ZPBP: variants seen among roughly 807,000 people sequenced by gnomAD.
ZPBP encodes zona pellucida-binding protein 1.
ZPBP carries 26 observed loss-of-function variants against 44.8 expected under a neutral mutation model. That is an observed-to-expected ratio of 0.58 (90% confidence interval 0.43 to 0.81). The LOEUF (loss-of-function observed/expected upper bound fraction) is 0.81, where lower values mean the gene tolerates loss of function less well. ZPBP is among the 30% of genes least tolerant of loss of function. The pLI, the probability that ZPBP is intolerant of heterozygous loss-of-function variation, is 0.00. For missense variants in ZPBP, 409 were observed against 434.0 expected, an observed-to-expected ratio of 0.94 and a Z score of 0.51; for synonymous variants, 174 against 153.2, an observed-to-expected ratio of 1.14 and a Z score of -1.00.
intron 2 of ZPBP, among the ~76,000 whole-genome samples, chr7:49,874,284 C>T (rs189371098): frequency 2.1e-4 from 32 of 152,358 alleles, no homozygotes; most frequent in African/African-American, 7.7e-4. Flanking sequence ...TGCATTTTTA[C>T]TCTACCTTTT....
chr7:50,039,005 T>C (rs1451182073), intron 4 of ZPBP, among the ~76,000 whole-genome samples: 1 of 152,094 alleles, frequency 6.6e-6, no homozygotes, highest in Admixed American at 6.5e-5. Context: ...AACACATAAC[T>C]AGATTATCTA....
At chr7:49,849,997 G>A (rs766734969), downstream of ZPBP, among the ~76,000 whole-genome samples, 9 of 152,142 alleles carry the variant, frequency 5.9e-5, no homozygotes, top group Non-Finnish European at 8.8e-5. Flanking sequence ...GGAAGACTGA[G>A]CACAGTGCCA....
downstream of ZPBP, among the ~76,000 whole-genome samples, chr7:49,846,715 A>G (rs1789956747): frequency 6.6e-6 from 1 of 152,188 alleles, no homozygotes; most frequent in Non-Finnish European, 1.5e-5. Flanking sequence ...AAGAGCAGAT[A>G]ATGCTTAACT....
chr7:50,071,458 G>A (rs1801829516), intron 3 of ZPBP, among the ~76,000 whole-genome samples: 1 of 152,158 alleles, frequency 6.6e-6, no homozygotes, highest in African/African-American at 2.4e-5. Context: ...CAAAACATAG[G>A]TGAGTCCTAG....
intron 2 of ZPBP, among the ~76,000 whole-genome samples, chr7:50,085,701 ATTAGAGGCCC>A (rs1802601398): frequency 6.6e-6 from 1 of 152,150 alleles, no homozygotes; most frequent in Non-Finnish European, 1.5e-5. Context: ...GTTAAAAACA[ATTAGAGGCCC>A]TCATTTAACT....
At chr7:50,048,958 A>G (rs1800539513) in intron 4 of ZPBP, among the ~76,000 whole-genome samples, 2 of 152,006 alleles carry the variant, frequency 1.3e-5, no homozygotes, top group Admixed American at 6.6e-5. Flanking sequence ...AACAAGAGAT[A>G]GAAGACTCAA....
intron 2 of ZPBP, among the ~76,000 whole-genome samples, chr7:49,864,593 T>G (rs777444293): frequency 1.3e-4 from 20 of 152,190 alleles, no homozygotes; most frequent in Non-Finnish European, 1.6e-4. Context: ...CAGGTTGTTG[T>G]CAGCCTTACG....
chr7:49,889,849 T>A lies in ZPBP; in HGVS notation n.509+11269A>T, dbSNP rs1360370184. On this transcript the variant is annotated intron_variant and non_coding_transcript_variant, in intron 2 of 2. Coordinates refer to the ZPBP transcript ENST00000465922. ...AATAGGTGCCCCAGTATGCCGTCATTCACGCTTGCAATTCTGAAATAGGGA... is the reference window on the plus strand; with the variant it reads ...AATAGGTGCCCCAGTATGCCGTCATACACGCTTGCAATTCTGAAATAGGGA... Among the ~76,000 whole-genome samples the A allele has an allele frequency of 2.0e-5, 3 of 152,178 alleles. No homozygotes were observed. The East Asian group carries it at 5.8e-4, about 29-fold the overall frequency.
chr7:50,079,661 A>C (rs1315547048), intron 3 of ZPBP, among the ~76,000 whole-genome samples: 1 of 151,666 alleles, frequency 6.6e-6, no homozygotes, highest in Non-Finnish European at 1.5e-5. Flanking sequence ...AGTTAACAAT[A>C]ATGTATTGTA....
At chr7:49,877,191 A>G (rs913359425) in intron 2 of ZPBP, among the ~76,000 whole-genome samples, 1 of 151,776 alleles carries the variant, frequency 6.6e-6, no homozygotes, top group Non-Finnish European at 1.5e-5. Context: ...GCCGGGCGTA[A>G]TGGCTCATGC....
intron 7 of ZPBP, among the ~76,000 whole-genome samples, chr7:49,961,978 C>T (rs1447512351): frequency 6.6e-6 from 1 of 151,952 alleles, no homozygotes; most frequent in Non-Finnish European, 1.5e-5. Context: ...GATTTCATTT[C>T]CAAAGAGCCA....
chr7:50,009,737 G>T (rs889264834), intron 6 of ZPBP, among the ~76,000 whole-genome samples: 4 of 151,688 alleles, frequency 2.6e-5, no homozygotes, highest in African/African-American at 9.7e-5. Flanking sequence ...CCCAAAGAAT[G>T]CAAAACAAAA....
At chr7:49,968,990 T>C (rs541902822) in intron 7 of ZPBP, among the ~76,000 whole-genome samples, 6 of 151,882 alleles carry the variant, frequency 4.0e-5, no homozygotes, top group Admixed American at 3.9e-4. Context: ...AGTTCAAGAA[T>C]AGGCAAATTA....
intron 5 of ZPBP, among the ~76,000 whole-genome samples, chr7:50,021,863 G>A (rs983893819): frequency 8.5e-5 from 13 of 152,076 alleles, no homozygotes; most frequent in African/African-American, 2.7e-4. Flanking sequence ...CAGTACATCT[G>A]TATCTTCTGT....
intron 1 of ZPBP, among the ~76,000 whole-genome samples, chr7:49,910,489 T>C (rs1793349717): frequency 6.6e-6 from 1 of 152,158 alleles, no homozygotes; most frequent in South Asian, 2.1e-4. Context: ...GGCCTTTATT[T>C]AGGATGCAGT....
At chr7:50,025,101 A>G (rs946830356) in intron 5 of ZPBP, among the ~76,000 whole-genome samples, 3 of 151,900 alleles carry the variant, frequency 2.0e-5, no homozygotes, top group South Asian at 4.1e-4. Flanking sequence ...CAATATCTGT[A>G]TGAGGAAAAC....
At chr7:49,882,031 G>A (rs1038731044) in intron 2 of ZPBP, among the ~76,000 whole-genome samples, 11 of 151,556 alleles carry the variant, frequency 7.3e-5, no homozygotes, top group African/African-American at 7.3e-5. Context: ...GCACCCAAGC[G>A]CCATCTGCCA....
chr7:49,893,601 T>A (rs1354526653), intron 2 of ZPBP, among the ~76,000 whole-genome samples: 1 of 151,678 alleles, frequency 6.6e-6, no homozygotes, highest in Non-Finnish European at 1.5e-5. Context: ...TTTAGTTTAC[T>A]CTTAGTGAAA....
At chr7:50,015,387 C>T (rs1177818805) in intron 6 of ZPBP, among the ~76,000 whole-genome samples, 1 of 152,000 alleles carries the variant, frequency 6.6e-6, no homozygotes, top group Non-Finnish European at 1.5e-5. Context: ...ATTGAAATTT[C>T]ATCCCTTCAT....
Sources: gnomAD v4.1 joint callset for allele counts (sites outside exome capture counted in the v4.1 genomes callset) on GRCh38, gnomAD v4.1.1 for gene constraint, MANE v1.5 for transcripts, NCBI Gene and HGNC (gene_info 2026-07-23, HGNC 2026-07-21) for gene names.